The following CACNA2D1 variants were observed in gnomAD, a reference collection of about 807,000 sequenced individuals.
CACNA2D1 encodes the protein voltage-dependent calcium channel subunit alpha-2/delta-1.
A neutral mutation model predicts 171.5 loss-of-function variants in CACNA2D1; 53 were observed. The ratio of observed to expected loss-of-function variants is 0.31; its 90% CI spans 0.25 to 0.39. The LOEUF (loss-of-function observed/expected upper bound fraction) is 0.39. Among genes scored for constraint, CACNA2D1 ranks in the 10% least tolerant of loss-of-function variants. The pLI is 1.00. For synonymous variants in CACNA2D1, 442 were observed against 443.1 expected, an observed-to-expected ratio of 1.00 and a Z score of 0.03; for missense variants, 903 against 1,299.8, an observed-to-expected ratio of 0.69 and a Z score of 4.69.
At chr7:82,006,720 G>C (rs970055830) in intron 16 of CACNA2D1, among the ~76,000 whole-genome samples, 10 of 152,026 alleles carry the variant, frequency 6.6e-5, no homozygotes, top group Admixed American at 3.9e-4. Flanking sequence ...GAACACGTAT[G>C]AGAAAGTGAG....
At chr7:82,217,358 A>AT (rs200842334) in intron 3 of CACNA2D1, among the ~76,000 whole-genome samples, 6,387 of 131,638 alleles carry the variant, frequency 0.049, 482 homozygotes, top group African/African-American at 0.15. Flanking sequence ...TTAAAAAAAA[A>AT]ATATATATAT....
At chr7:82,071,878 C>T (rs991168674) in intron 7 of CACNA2D1, among the ~76,000 whole-genome samples, 42 of 152,242 alleles carry the variant, frequency 2.8e-4, no homozygotes, top group African/African-American at 9.6e-4. Flanking sequence ...TACTAATTTT[C>T]CTGTCTTCTT....
At chr7:81,954,929 A>T (rs542618266) in intron 38 of CACNA2D1, among the ~76,000 whole-genome samples, 69 of 150,840 alleles carry the variant, frequency 4.6e-4, no homozygotes, top group African/African-American at 1.5e-3. Flanking sequence ...ACTCTTACAC[A>T]TTAACTCGTG....
chr7:82,068,523 G>A (rs1267487397), intron 7 of CACNA2D1, among the ~76,000 whole-genome samples: 2 of 151,880 alleles, frequency 1.3e-5, no homozygotes, highest in East Asian at 3.9e-4. Flanking sequence ...AAATCCTTTA[G>A]AGTTCTCTGT....
At chr7:82,242,205 G>C (rs1324818998) in intron 3 of CACNA2D1, among the ~76,000 whole-genome samples, 1 of 152,132 alleles carries the variant, frequency 6.6e-6, no homozygotes, top group Non-Finnish European at 1.5e-5. Context: ...TTATCGCCAA[G>C]AGTAAGAACC....
At chr7:82,201,683 C>T (rs74720307) in intron 3 of CACNA2D1, among the ~76,000 whole-genome samples, 1,625 of 152,244 alleles carry the variant, frequency 0.011, 29 homozygotes, top group African/African-American at 0.037. Flanking sequence ...TGCTACCCTT[C>T]GCTAGTCCCC....
intron 5 of CACNA2D1, among the ~76,000 whole-genome samples, chr7:82,132,815 T>A (rs545065413): frequency 5.3e-4 from 80 of 152,310 alleles, no homozygotes; most frequent in Non-Finnish European, 8.8e-4. Context: ...ACAACATAAT[T>A]TGTTTTGATT....
chr7:82,016,740 G>A (rs1371588304), intron 12 of CACNA2D1, among the ~76,000 whole-genome samples: 1 of 151,894 alleles, frequency 6.6e-6, no homozygotes, highest in Admixed American at 6.6e-5. Flanking sequence ...GATCAGGGCT[G>A]GGGTAGTGCA....
intron 7 of CACNA2D1, among the ~76,000 whole-genome samples, chr7:82,067,866 A>G (rs2128987557): frequency 6.6e-6 from 1 of 152,292 alleles, no homozygotes; most frequent in African/African-American, 2.4e-5. Context: ...TAGAAATTGT[A>G]TCCTACTTTC....
At chr7:82,432,901 A>G (rs1829815044) in intron 1 of CACNA2D1, among the ~76,000 whole-genome samples, 1 of 152,108 alleles carries the variant, frequency 6.6e-6, no homozygotes, top group Admixed American at 6.6e-5. Context: ...ATCTAATGAC[A>G]TCGGCTGGGT....
intron 4 of CACNA2D1, among the ~76,000 whole-genome samples, chr7:82,157,626 T>C (rs1195407910): frequency 1.7e-4 from 26 of 152,008 alleles, no homozygotes; most frequent in Admixed American, 1.7e-3. Context: ...GTCATTCCAT[T>C]CCCTCCTAGC....
intron 29 of CACNA2D1, 76 bp downstream of exon 29, chr7:81,968,811 C>A (rs1794970453): frequency 1.2e-6 from 1 of 840,514 alleles, no homozygotes; most frequent in Non-Finnish European, 2.0e-6. Context: ...TCTTGATAAA[C>A]ATTGCCAGTT....
chr7:82,163,098 A>G (rs1183955420), intron 4 of CACNA2D1, among the ~76,000 whole-genome samples: 1 of 152,036 alleles, frequency 6.6e-6, no homozygotes, highest in Non-Finnish European at 1.5e-5. Flanking sequence ...TCATACAAAA[A>G]TTATCTCTGG....
intron 7 of CACNA2D1, among the ~76,000 whole-genome samples, chr7:82,066,983 C>A (rs1807713563): frequency 6.6e-6 from 1 of 151,962 alleles, no homozygotes; most frequent in Non-Finnish European, 1.5e-5. Context: ...TTACTCAGTC[C>A]ATGGTAAAAT....
chr7:82,104,621 G>T (rs1246607791), intron 6 of CACNA2D1, among the ~76,000 whole-genome samples: 1 of 151,748 alleles, frequency 6.6e-6, no homozygotes. Flanking sequence ...GTTTAAAAAG[G>T]CTATCCAGTT....
chr7:82,308,123 C>T (rs1179771650), intron 3 of CACNA2D1, among the ~76,000 whole-genome samples: 2 of 152,100 alleles, frequency 1.3e-5, no homozygotes, highest in African/African-American at 4.8e-5. Flanking sequence ...CTTCATTGGC[C>T]TTTTGCGAAG....
intron 1 of CACNA2D1, among the ~76,000 whole-genome samples, chr7:82,418,230 T>C (rs1470648979): frequency 2.0e-5 from 3 of 152,146 alleles, no homozygotes; most frequent in African/African-American, 4.8e-5. Context: ...CTGAGTATCA[T>C]TAGAATAGGA....
At chr7:82,202,194 T>C (rs1799514633) in intron 3 of CACNA2D1, among the ~76,000 whole-genome samples, 1 of 152,224 alleles carries the variant, frequency 6.6e-6, no homozygotes, top group South Asian at 2.1e-4. Flanking sequence ...GCTGACGCTG[T>C]ACATACGGCT....
intron 3 of CACNA2D1, among the ~76,000 whole-genome samples, chr7:82,192,693 T>C (rs1057515336): frequency 6.6e-6 from 1 of 151,550 alleles, no homozygotes; most frequent in Non-Finnish European, 1.5e-5. Flanking sequence ...TTCTATGCAA[T>C]ACTCTCTGTT....
Sources: allele counts gnomAD v4.1 joint callset (sites outside exome capture counted in the v4.1 genomes callset), GRCh38; gene constraint gnomAD v4.1.1; transcripts MANE v1.5; gene names NCBI Gene and HGNC (gene_info 2026-07-23, HGNC 2026-07-21).